Variants in DPP3 observed in about 807,000 individuals in gnomAD.
DPP3 encodes dipeptidyl peptidase 3, also known as DPP III.
Under a neutral mutation model 89.8 loss-of-function variants are expected in DPP3, and 64 were observed. The ratio of observed to expected loss-of-function variants is 0.71; its 90% CI spans 0.58 to 0.88. The LOEUF is 0.88. DPP3 is among the 40% of genes least tolerant of loss of function. The pLI is 0.00. For missense variants in DPP3, 835 were observed against 972.5 expected (o/e 0.86, Z 1.88); for synonymous variants, 377 against 404.3 (o/e 0.93, Z 0.81).
intron 16 of DPP3, among the ~76,000 whole-genome samples, chr11:66,497,949 T>G (rs1855582890): frequency 6.6e-6 from 1 of 152,146 alleles, no homozygotes; most frequent in Admixed American, 6.5e-5. Flanking sequence ...GTTTATTTAT[T>G]TATTAGACAG....
intron 10 of DPP3, 46 bp downstream of exon 10, chr11:66,492,956 A>G: frequency 1.3e-6 from 2 of 1,597,124 alleles, no homozygotes; most frequent in Non-Finnish European, 1.7e-6. Context: ...ACCTTCCTTT[A>G]GAGTCGCCCC....
chr11:66,483,998 G>A (rs1252029419), intron 2 of DPP3, among the ~76,000 whole-genome samples: 1 of 151,446 alleles, frequency 6.6e-6, no homozygotes, highest in Non-Finnish European at 1.5e-5. Flanking sequence ...TTTTTGTGGG[G>A]GACGGAGTCT....
intron 1 of DPP3, 124 bp from the exon 2 acceptor site, chr11:66,482,069 G>A (rs1163685171): frequency 7.4e-7 from 1 of 1,357,084 alleles, no homozygotes; most frequent in East Asian, 2.5e-5. Flanking sequence ...CTGGTGAATG[G>A]GTACAATAGT....
intron 16 of DPP3, among the ~76,000 whole-genome samples, chr11:66,501,200 A>AT (rs1855667838): frequency 6.6e-6 from 1 of 151,404 alleles, no homozygotes; most frequent in Non-Finnish European, 1.5e-5. Context: ...AAAAAAAAAA[A>AT]GTGCAAAAAA....
chr11:66,480,621 G>T, intron 1 of DPP3, 156 bp downstream of exon 1: 1 of 869,384 alleles, frequency 1.2e-6, no homozygotes, highest in Admixed American at 4.2e-5. Context: ...GCTCCGGGGA[G>T]CAAAGAGTTA....
Position 66,492,732 on chromosome 11 carries a change from G to C in DPP3, c.1005G>C (p.Val335=). ...CCTCTGCAGGTTTCGTAGCTGTGGT[G>C]AACAAGGCCATGAGTGCCAAGTTTG... ...RGEFEGFVAV[V]NKAMSAKFER... Residue 335 remains valine, a synonymous_variant, in exon 10 of 18, where the codon GTG becomes GTC. Coordinates refer to ENST00000531863, the MANE Select transcript of DPP3 (RefSeq NM_130443.4). 6.2e-7 allele frequency: 1 copy of C among 1,602,606 alleles called. No individual in the cohort carries two copies. The highest frequency in any genetic ancestry group is 8.5e-7 in the Non-Finnish European group (1 of 1,175,008).
intron 1 of DPP3, among the ~76,000 whole-genome samples, chr11:66,481,466 G>A (rs1855078711): frequency 6.6e-6 from 1 of 151,798 alleles, no homozygotes; most frequent in East Asian, 1.9e-4. Flanking sequence ...CTCCAGCCTG[G>A]GCAACTAAGT....
At chr11:66,489,425 C>T (rs764061354) in intron 6 of DPP3, among the ~76,000 whole-genome samples, 2 of 152,008 alleles carry the variant, frequency 1.3e-5, no homozygotes, top group African/African-American at 4.8e-5. Context: ...TGGTGCCTAG[C>T]GCTTGGTGGA....
rs201526861 is a variant in DPP3 at position 66,490,145 on chromosome 11, TAAAAAAAAAAA to T, written c.668-1090_668-1080del. On this transcript the variant is annotated intron_variant, in intron 6 of 17. Coordinates refer to ENST00000531863, the MANE Select transcript of DPP3 (RefSeq NM_130443.4). ...CTGGGCAACCTTACAAGATCCTATCTAAAAAAAAAAAAAAAAAAAAAAAAAAAAGGCAGTAA... is the reference window on the plus strand; with the variant it reads ...CTGGGCAACCTTACAAGATCCTATCTAAAAAAAAAAAAAAAAAGGCAGTAA... 3.6e-3 allele frequency among the ~76,000 whole-genome samples: 341 copies of T among 94,832 alleles called. 3 individuals carry two copies. Among genetic ancestry groups the T allele is most frequent in the Admixed American group, 0.015 (127 of 8,250 alleles). 62.2% of individuals were successfully genotyped at this position (94,832 alleles called of 152,430 possible).
intron 9 of DPP3, 178 bp from the exon 10 acceptor site, chr11:66,492,538 C>T: frequency 1.5e-6 from 1 of 671,866 alleles, no homozygotes; most frequent in Non-Finnish European, 2.4e-6. Context: ...GCAGCTGCAT[C>T]TTTCCTGTCC....
intron 17 of DPP3, 145 bp from the exon 18 acceptor site, chr11:66,508,934 A>T: frequency 1.0e-6 from 1 of 992,126 alleles, no homozygotes; most frequent in Non-Finnish European, 1.5e-6. Flanking sequence ...TTAAGTAATT[A>T]ACCTAAAACG....
chr11:66,486,671 G>A lies in DPP3; in HGVS notation c.492G>A (p.Gly164=), dbSNP rs1472564623. ...LEPRLRHLGL[G]KEGITTYFSG... is the part of the protein sequence containing the mutation. ...CAAGGCTTCGACACCTCGGACTGGG[G>A]AAGGAGGTGAGGCCCCTGACTCCCC... The change falls in exon 4 of 18, where the codon GGG becomes GGA. Residue 164 remains glycine, a synonymous_variant. Coordinates refer to ENST00000531863, the MANE Select transcript of DPP3 (RefSeq NM_130443.4). The A allele has an allele frequency of 2.0e-6, 3 of 1,531,022 alleles. No individual in the cohort carries two copies. The Admixed American group carries it at 6.2e-5, about 32-fold the overall frequency. The allele number at this position is 1,531,022 out of a possible 1,614,324, so 94.8% of individuals were successfully genotyped here.
intron 3 of DPP3, among the ~76,000 whole-genome samples, chr11:66,486,019 G>C (rs1273079997): frequency 6.6e-6 from 1 of 151,888 alleles, no homozygotes; most frequent in East Asian, 1.9e-4. Flanking sequence ...ACAGCTCACT[G>C]CAACCTCAAC....
chr11:66,503,612 C>T (rs1262419931), intron 16 of DPP3, among the ~76,000 whole-genome samples: 4 of 152,076 alleles, frequency 2.6e-5, no homozygotes, highest in African/African-American at 9.7e-5. Context: ...ATTGGCCAGG[C>T]ATGGTGGCTC....
In DPP3 at chr11:66,491,512, C is replaced by A. The variant is rs1030431611; in HGVS notation, c.817C>A (p.His273Asn). The A allele has an allele frequency of 6.2e-6, 10 of 1,610,098 alleles. No homozygotes were observed. The African/African-American group carries it at 1.1e-4, about 17-fold the overall frequency. Residue 273 changes from histidine (H) to asparagine (N), a missense_variant, in exon 8 of 18, where the codon CAC (histidine) becomes AAC (asparagine). Transcript: ENST00000531863. ...EKAKAYAANS[H>N]QGQMLAQYIE... is the part of the protein sequence containing the mutation. Reference sequence around the variant, plus strand: ...ACCTCAGGCCTATGCAGCCAACAGCCACCAGGGGCAGATGCTGGCCCAGTA... The same window carrying A: ...ACCTCAGGCCTATGCAGCCAACAGCAACCAGGGGCAGATGCTGGCCCAGTA...
chr11:66,482,014 C>T, intron 1 of DPP3, 179 bp from the exon 2 acceptor site: 1 of 860,822 alleles, frequency 1.2e-6, no homozygotes, highest in Non-Finnish European at 1.8e-6. Flanking sequence ...TTTTGTGACC[C>T]CTTGGGTGAG....
intron 1 of DPP3, among the ~76,000 whole-genome samples, chr11:66,481,240 G>A (rs537972335): frequency 6.6e-6 from 1 of 152,304 alleles, no homozygotes; most frequent in African/African-American, 2.4e-5. Flanking sequence ...TGTAATCCCA[G>A]CACTTTGGGA....
At chr11:66,480,493 G>A (rs1161875045) in intron 1 of DPP3, 28 bp downstream of exon 1, 19 of 1,474,390 alleles carry the variant, frequency 1.3e-5, no homozygotes, top group Admixed American at 5.1e-5. Context: ...GGCTTTTGGG[G>A]TCAAAGCGTG....
chr11:66,486,389 T>A, intron 3 of DPP3, 151 bp from the exon 4 acceptor site: 1 of 996,204 alleles, frequency 1.0e-6, no homozygotes, highest in South Asian at 3.3e-5. Context: ...CGCTTGACAT[T>A]TCTCAGGACC....
Sources: allele counts gnomAD v4.1 joint callset (sites outside exome capture counted in the v4.1 genomes callset), GRCh38; gene constraint gnomAD v4.1.1; transcripts MANE v1.5; gene names NCBI Gene and HGNC (gene_info 2026-07-23, HGNC 2026-07-21).